The following KPRP variants were observed in gnomAD, a reference collection of about 807,000 sequenced individuals.
KPRP encodes the protein keratinocyte proline rich protein, also known as keratinocyte proline-rich protein.
For missense variants in KPRP, 820 were observed against 746.4 expected (o/e 1.10, Z -1.15); for synonymous variants, 282 against 276.9 (o/e 1.02, Z -0.18).
chr1:152,759,836 G>T, exon 1 of KPRP: 11 of 1,614,126 alleles, frequency 6.8e-6, no homozygotes, highest in South Asian at 4.4e-5. Context: ...CAGGTGAAGG[G>T]CCAGGCTCAA....
At chr1:152,761,318 C>T (rs1221068830) in exon 1 of KPRP, 3 of 1,612,154 alleles carry the variant, frequency 1.9e-6, no homozygotes, top group East Asian at 2.2e-5. Context: ...GCAAAGAGTG[C>T]TTATTTTTAA....
At chr1:152,761,062 A>C in exon 1 of KPRP, 1 of 1,614,004 alleles carries the variant, frequency 6.2e-7, no homozygotes, top group Non-Finnish European at 8.5e-7. Context: ...GGAGCCCTGC[A>C]GGGAGACTTG....
upstream of KPRP, among the ~76,000 whole-genome samples, chr1:152,758,181 T>C (rs1481435088): frequency 6.6e-6 from 1 of 152,158 alleles, no homozygotes; most frequent in Non-Finnish European, 1.5e-5. Context: ...GAGGGGTGCA[T>C]TAACCTGAGG....
exon 1 of KPRP, chr1:152,761,427 T>C: frequency 1.4e-6 from 2 of 1,473,566 alleles, no homozygotes; most frequent in Non-Finnish European, 1.8e-6. Flanking sequence ...TCTCCAAAGA[T>C]ATTCAGAGAC....
chr1:152,760,414 G>C (rs1291446428), exon 1 of KPRP: 43 of 1,613,822 alleles, frequency 2.7e-5, no homozygotes, highest in Non-Finnish European at 3.5e-5. Context: ...AAGACGTTTT[G>C]AGCCCTGCTC....
chr1:152,759,492 G>T, upstream of KPRP: 1 of 1,500,050 alleles, frequency 6.7e-7, no homozygotes, highest in Non-Finnish European at 8.9e-7. Flanking sequence ...GATGCAGGGT[G>T]TCTTCCTCTA....
chr1:152,760,742 C>T (rs1405552998), exon 1 of KPRP: 2 of 1,614,112 alleles, frequency 1.2e-6, no homozygotes, highest in Admixed American at 3.3e-5. Flanking sequence ...TTCTGTCCAC[C>T]ACGGCGTCTT....
exon 1 of KPRP, chr1:152,761,351 C>G: frequency 1.3e-6 from 2 of 1,587,166 alleles, no homozygotes; most frequent in South Asian, 2.3e-5. Context: ...TGAGATAACC[C>G]TCTCTCCTGC....
exon 1 of KPRP, chr1:152,760,034 C>A (rs556661399): frequency 1.4e-5 from 22 of 1,614,182 alleles, no homozygotes; most frequent in Non-Finnish European, 1.9e-5. Context: ...GTAGAATGCC[C>A]AGTCCAGAAC....
At chr1:152,759,647 G>A in exon 1 of KPRP, 1 of 1,614,130 alleles carries the variant, frequency 6.2e-7, no homozygotes, top group Non-Finnish European at 8.5e-7. Context: ...TGCGTCAAGG[G>A]TCCCTCCTTC....
chr1:152,761,511 C>T (rs1200265558), exon 1 of KPRP: 8 of 1,188,968 alleles, frequency 6.7e-6, no homozygotes, highest in Middle Eastern at 2.9e-4. Context: ...TCAGATGCCT[C>T]TCCAGCCTCA....
exon 1 of KPRP, chr1:152,761,336 G>T (rs1310902711): frequency 6.2e-7 from 1 of 1,609,654 alleles, no homozygotes; most frequent in Non-Finnish European, 8.5e-7. Context: ...TAAAGGAAAG[G>T]TGACTGAGAT....
upstream of KPRP, among the ~76,000 whole-genome samples, chr1:152,758,539 G>A (rs1651011930): frequency 6.6e-6 from 1 of 152,198 alleles, no homozygotes; most frequent in African/African-American, 2.4e-5. Context: ...TCAGTGGGCT[G>A]CCTGCACATA....
chr1:152,760,122 C>A, exon 1 of KPRP: 1 of 1,614,194 alleles, frequency 6.2e-7, no homozygotes, highest in Non-Finnish European at 8.5e-7. Context: ...AGGGAAGATT[C>A]TCCACCCAGT....
chr1:152,760,685 C>T, exon 1 of KPRP: 1 of 1,613,234 alleles, frequency 6.2e-7, no homozygotes, highest in Non-Finnish European at 8.5e-7. Flanking sequence ...TGGGGCGCCT[C>T]CTGCCCTGAG....
At chr1:152,761,249 G>A (rs763479865) in exon 1 of KPRP, 12 of 1,614,168 alleles carry the variant, frequency 7.4e-6, no homozygotes, top group Admixed American at 3.3e-5. Flanking sequence ...TTTCCAGAGC[G>A]GAGGGGTCAG....
exon 1 of KPRP, chr1:152,761,486 A>G: frequency 7.2e-7 from 1 of 1,386,830 alleles, no homozygotes; most frequent in Non-Finnish European, 9.6e-7. Flanking sequence ...TCATCCAAAG[A>G]TCCACACCTG....
At chr1:152,759,419 T>TG, upstream of KPRP, 5 of 1,169,600 alleles carry the variant, frequency 4.3e-6, no homozygotes, top group Non-Finnish European at 5.8e-6. Context: ...AGATTAATCC[T>TG]GGGTCGAACT....
At chr1:152,759,866 A>G (rs1651048939) in exon 1 of KPRP, 1 of 1,614,068 alleles carries the variant, frequency 6.2e-7, no homozygotes, top group Non-Finnish European at 8.5e-7. Flanking sequence ...AAGACCACCC[A>G]GGTGAAGGGC....
Sources: allele counts gnomAD v4.1 joint callset (sites outside exome capture counted in the v4.1 genomes callset), GRCh38; gene constraint gnomAD v4.1.1; transcripts MANE v1.5; gene names NCBI Gene and HGNC (gene_info 2026-07-23, HGNC 2026-07-21).